CHD9: variants seen among roughly 807,000 people sequenced by gnomAD.
CHD9 encodes the protein chromodomain helicase DNA binding protein 9, also known as ATP-dependent chromatin remodeler CHD9.
In CHD9, 77 loss-of-function variants were observed where a neutral mutation model predicts 316.1. The observed-to-expected ratio is 0.24, with a 90% CI of 0.20 to 0.29. CHD9 has a LOEUF of 0.29. Among genes scored for constraint, CHD9 ranks in the 10% least tolerant of loss-of-function variants. CHD9 has a pLI of 1.00. For synonymous variants in CHD9, 1,129 were observed against 1,158.3 expected (o/e 0.97, Z 0.51); for missense variants, 2,763 against 3,438.1 (o/e 0.80, Z 4.91).
At chr16:53,070,735 G>A (rs182856304) in intron 1 of CHD9, among the ~76,000 whole-genome samples, 6 of 152,022 alleles carry the variant, frequency 3.9e-5, no homozygotes, top group East Asian at 1.9e-4. Flanking sequence ...TGTAGTTTTA[G>A]TAGAAACAAG....
In CHD9 at chr16:53,073,551, C is replaced by T. The variant is rs137951504; in HGVS notation, c.-165+18474C>T. On this transcript the variant is annotated intron_variant, in intron 1 of 38. Transcript: ENST00000447540. Reference sequence around the variant, plus strand: ...AATATGGTTTGGCTCTGTGTCCCCACCCAAATCTCATCTTGAACTGTATTC... The same window carrying T: ...AATATGGTTTGGCTCTGTGTCCCCATCCAAATCTCATCTTGAACTGTATTC... Among the ~76,000 whole-genome samples the T allele has an allele frequency of 2.3e-3, 357 of 152,306 alleles. 3 individuals are homozygous for T. The highest frequency in any genetic ancestry group is 8.3e-3 in the African/African-American group (344 of 41,556).
At chr16:53,197,522 G>A (rs1379626962) in intron 2 of CHD9, among the ~76,000 whole-genome samples, 1 of 152,030 alleles carries the variant, frequency 6.6e-6, no homozygotes, top group African/African-American at 2.4e-5. Context: ...ATGCTGTTAT[G>A]GAAGATAAGA....
intron 22 of CHD9, among the ~76,000 whole-genome samples, chr16:53,270,140 G>T (rs974666091): frequency 6.0e-5 from 9 of 150,350 alleles, no homozygotes; most frequent in Non-Finnish European, 1.0e-4. Context: ...GAGTACAGGC[G>T]TGTACCATCA....
At chr16:53,237,220 G>A (rs2048709615) in intron 11 of CHD9, among the ~76,000 whole-genome samples, 1 of 151,936 alleles carries the variant, frequency 6.6e-6, no homozygotes, top group Non-Finnish European at 1.5e-5. Context: ...CCATACTTTG[G>A]TAACTAGGTC....
chr16:53,172,239 C>A (rs936442093), intron 2 of CHD9, among the ~76,000 whole-genome samples: 2 of 152,114 alleles, frequency 1.3e-5, no homozygotes, highest in Admixed American at 6.5e-5. Flanking sequence ...TGATTTCTGT[C>A]ACTCTATGTC....
chr16:53,102,932 G>A (rs536612912), intron 1 of CHD9, among the ~76,000 whole-genome samples: 5 of 151,826 alleles, frequency 3.3e-5, no homozygotes, highest in Non-Finnish European at 4.4e-5. Flanking sequence ...TGCAAACTCC[G>A]CCTCCCGGGT....
intron 2 of CHD9, among the ~76,000 whole-genome samples, chr16:53,183,676 G>A (rs1455467190): frequency 6.6e-6 from 1 of 152,110 alleles, no homozygotes; most frequent in Non-Finnish European, 1.5e-5. Context: ...CATTTTGCAA[G>A]GTCAGAGTGA....
intron 19 of CHD9, among the ~76,000 whole-genome samples, chr16:53,258,668 C>CTACA (rs1301801000): frequency 6.6e-6 from 1 of 151,996 alleles, no homozygotes; most frequent in African/African-American, 2.4e-5. Context: ...TAATAAGGAG[C>CTACA]TACATATATG....
chr16:53,196,489 C>T (rs1432552908), intron 2 of CHD9, among the ~76,000 whole-genome samples: 4 of 152,166 alleles, frequency 2.6e-5, no homozygotes, highest in Non-Finnish European at 5.9e-5. Context: ...TTTACAAGAG[C>T]ATGGTTCATT....
At chr16:53,159,185 G>A (rs535844105) in intron 2 of CHD9, among the ~76,000 whole-genome samples, 1 of 152,192 alleles carries the variant, frequency 6.6e-6, no homozygotes, top group South Asian at 2.1e-4. Context: ...AAGAGGCTGA[G>A]GTGAGCAGAT....
chr16:53,221,063 G>C (rs1411048315), intron 3 of CHD9, among the ~76,000 whole-genome samples: 2 of 152,174 alleles, frequency 1.3e-5, no homozygotes, highest in Non-Finnish European at 2.9e-5. Context: ...GATACTTTAA[G>C]GTTAGGAACT....
At chr16:53,310,174 T>C (rs947887316) in intron 34 of CHD9, among the ~76,000 whole-genome samples, 3 of 152,214 alleles carry the variant, frequency 2.0e-5, no homozygotes, top group Non-Finnish European at 4.4e-5. Flanking sequence ...AATTTTCCAA[T>C]TAGTAGAACT....
chr16:53,299,547 G>A, intron 30 of CHD9: 1 of 333,418 alleles, frequency 3.0e-6, no homozygotes, highest in East Asian at 8.4e-5. Context: ...CAAGTGCCAG[G>A]TCATATACCC....
chr16:53,064,923 CGCACCATT>C (rs2033348063), intron 1 of CHD9, among the ~76,000 whole-genome samples: 1 of 151,836 alleles, frequency 6.6e-6, no homozygotes, highest in Non-Finnish European at 1.5e-5. Context: ...GAGCTGAGAT[CGCACCATT>C]GCACTCCAGC....
At chr16:53,075,698 C>T (rs575547430) in intron 1 of CHD9, among the ~76,000 whole-genome samples, 27 of 152,294 alleles carry the variant, frequency 1.8e-4, no homozygotes, top group African/African-American at 5.3e-4. Flanking sequence ...GCCATGATTC[C>T]GAGGCCTCCC....
chr16:53,202,777 A>T (rs1412675793), intron 2 of CHD9, among the ~76,000 whole-genome samples: 2 of 152,198 alleles, frequency 1.3e-5, no homozygotes, highest in Non-Finnish European at 2.9e-5. Context: ...ACTTAAAAAA[A>T]AAAGGAATGT....
rs547126513 is a variant in CHD9 at position 53,077,480 on chromosome 16, C to T, written c.-165+22403C>T. ...CTGGGACTACAGGCACCCGCCACCA[C>T]GCCCAGTTAATTTTGTTTTTGTATT... On this transcript the variant is annotated intron_variant, in intron 1 of 38. Transcript: ENST00000447540. Among the ~76,000 whole-genome samples, 259 of 151,972 alleles carry T rather than the reference C, an allele frequency of 1.7e-3. 1 individual carries two copies. The highest frequency in any genetic ancestry group is 5.7e-3 in the African/African-American group (237 of 41,446).
chr16:53,173,079 G>T (rs1410645177), intron 2 of CHD9, among the ~76,000 whole-genome samples: 3 of 152,064 alleles, frequency 2.0e-5, no homozygotes, highest in Non-Finnish European at 4.4e-5. Flanking sequence ...CCTGCCCAAG[G>T]TCAGTGAAGA....
intron 1 of CHD9, among the ~76,000 whole-genome samples, chr16:53,113,293 A>C (rs1466394141): frequency 6.6e-6 from 1 of 152,024 alleles, no homozygotes; most frequent in Non-Finnish European, 1.5e-5. Flanking sequence ...GGTTAGTAGT[A>C]AGCCTGGACT....
Sources: gnomAD v4.1 joint callset for allele counts (sites outside exome capture counted in the v4.1 genomes callset) on GRCh38, gnomAD v4.1.1 for gene constraint, MANE v1.5 for transcripts, NCBI Gene and HGNC (gene_info 2026-07-23, HGNC 2026-07-21) for gene names.